Variants in TRIM9 observed in about 807,000 individuals in gnomAD.
TRIM9 encodes E3 ubiquitin-protein ligase TRIM9.
In TRIM9, 26 loss-of-function variants were observed where a neutral mutation model predicts 78.3. The observed-to-expected ratio is 0.33, with a 90% confidence interval of 0.24 to 0.46. The LOEUF (loss-of-function observed/expected upper bound fraction) is 0.46. Ranked by LOEUF, TRIM9 falls within the 20% of genes least tolerant of loss-of-function variation. The pLI, the probability that TRIM9 is intolerant of heterozygous loss-of-function variation, is 1.00. For synonymous variants in TRIM9, 398 were observed against 416.5 expected, an observed-to-expected ratio of 0.96 and a Z score of 0.54; for missense variants, 787 against 1,036.4, an observed-to-expected ratio of 0.76 and a Z score of 3.30.
chr14:51,027,132 C>CTT (rs566767264), intron 1 of TRIM9, among the ~76,000 whole-genome samples: 5 of 85,724 alleles, frequency 5.8e-5, no homozygotes, highest in Admixed American at 1.6e-4. Context: ...TGGCTGTTAA[C>CTT]TTTTTTTTTT....
chr14:50,997,666 C>T (rs2054399791), intron 7 of TRIM9: 1 of 1,102,242 alleles, frequency 9.1e-7, no homozygotes, highest in African/African-American at 1.6e-5. Context: ...AATTTAGAAT[C>T]ATCTGGGCAA....
intron 1 of TRIM9, among the ~76,000 whole-genome samples, chr14:51,048,150 C>T (rs2060099258): frequency 6.6e-6 from 1 of 152,192 alleles, no homozygotes; most frequent in Non-Finnish European, 1.5e-5. Flanking sequence ...GTTAAACCCC[C>T]AACTATCTGA....
intron 5 of TRIM9, among the ~76,000 whole-genome samples, chr14:51,003,285 A>G (rs2139557078): frequency 6.6e-6 from 1 of 152,330 alleles, no homozygotes; most frequent in South Asian, 2.1e-4. Flanking sequence ...TTGTAGAGAC[A>G]TGAATGATTC....
At chr14:51,078,823 T>C (rs2063045951) in intron 1 of TRIM9, among the ~76,000 whole-genome samples, 1 of 152,194 alleles carries the variant, frequency 6.6e-6, no homozygotes, top group African/African-American at 2.4e-5. Context: ...AGATCGAATG[T>C]ATAACATGAG....
intron 1 of TRIM9, among the ~76,000 whole-genome samples, chr14:51,071,330 T>C (rs372118611): frequency 6.0e-4 from 85 of 142,428 alleles, no homozygotes; most frequent in African/African-American, 2.1e-3. Context: ...GAGCCGAGAC[T>C]GCGCCATTGT....
At chr14:51,075,410 G>A (rs1596315851) in intron 1 of TRIM9, among the ~76,000 whole-genome samples, 1 of 152,060 alleles carries the variant, frequency 6.6e-6, no homozygotes, top group African/African-American at 2.4e-5. Context: ...TCGGTGTACT[G>A]GAATCTAGGT....
At position 51,087,338 on chromosome 14, in the gene TRIM9, AAG is replaced by A. The variant is rs545946327; in HGVS notation, c.822+6778_822+6779del. 2.4e-3 allele frequency among the ~76,000 whole-genome samples: 366 copies of A among 152,326 alleles called. 4 individuals are homozygous for A. Among genetic ancestry groups the A allele is most frequent in the African/African-American group, 8.0e-3 (331 of 41,580 alleles). On this transcript the variant is annotated intron_variant, in intron 1 of 12. Coordinates refer to ENST00000684578, the MANE Select transcript of TRIM9 (RefSeq NM_001387360.1). ...GCACTTTAGGCCTGGATAGTTTAAAAAGAAGGCAAAACCAGGGCCAAACAAAA... is the reference window on the plus strand; with the variant it reads ...GCACTTTAGGCCTGGATAGTTTAAAAAAGGCAAAACCAGGGCCAAACAAAA...
chr14:51,006,798 A>C (rs973192780), intron 5 of TRIM9, among the ~76,000 whole-genome samples: 4 of 152,102 alleles, frequency 2.6e-5, no homozygotes, highest in Non-Finnish European at 5.9e-5. Flanking sequence ...TGGCCCTGAG[A>C]ATACTTGGTA....
chr14:50,993,492 C>G (rs2053796749), intron 7 of TRIM9, among the ~76,000 whole-genome samples: 1 of 152,066 alleles, frequency 6.6e-6, no homozygotes, highest in Admixed American at 6.6e-5. Context: ...CCTCAGCCTC[C>G]CAAGTAGCTG....
At chr14:51,062,056 T>C (rs1406051386) in intron 1 of TRIM9, among the ~76,000 whole-genome samples, 1 of 152,214 alleles carries the variant, frequency 6.6e-6, no homozygotes, top group Non-Finnish European at 1.5e-5. Context: ...AGTTCACTGA[T>C]TCTTTCTGCC....
intron 7 of TRIM9, chr14:50,988,489 A>C (rs1351799967): frequency 6.6e-6 from 1 of 151,486 alleles, no homozygotes; most frequent in Non-Finnish European, 1.5e-5. Flanking sequence ...ATGTGGATCC[A>C]TTGTTTACTG....
chr14:51,016,738 G>A (rs777900073), intron 3 of TRIM9, among the ~76,000 whole-genome samples: 5 of 152,072 alleles, frequency 3.3e-5, no homozygotes, highest in Non-Finnish European at 5.9e-5. Flanking sequence ...GAAAACAACT[G>A]TCTTCCATGA....
At chr14:51,043,851 C>T (rs1014201444) in intron 1 of TRIM9, among the ~76,000 whole-genome samples, 17 of 152,044 alleles carry the variant, frequency 1.1e-4, no homozygotes, top group Non-Finnish European at 1.9e-4. Flanking sequence ...TATTTTAATG[C>T]AGTATAGAAA....
At chr14:51,022,061 T>C (rs375905066) in intron 3 of TRIM9, among the ~76,000 whole-genome samples, 1 of 152,240 alleles carries the variant, frequency 6.6e-6, no homozygotes, top group South Asian at 2.1e-4. Flanking sequence ...ACCATCCTCT[T>C]TTCCTACTTT....
chr14:50,978,011 G>C (rs2051290139), intron 12 of TRIM9, among the ~76,000 whole-genome samples: 1 of 151,950 alleles, frequency 6.6e-6, no homozygotes, highest in African/African-American at 2.4e-5. Flanking sequence ...AAAGGGAAAT[G>C]GCTAATGTGA....
In TRIM9 at chr14:50,981,859, C is replaced by T; in HGVS notation, c.2103G>A (p.Trp701Ter). ...DVMLGKDDKA[W>*]AMYVDNNRSW... The stretch of plus-strand genomic sequence containing the variant: ...TCCGGTTATTGTCCACATACATTGC[C>T]CAAGCTTTGTCGTCTTTTCCTAACA... Residue 701 changes from tryptophan to a stop codon, truncating the protein, a stop_gained, in exon 11 of 13, where the codon TGG (tryptophan) becomes TGA (stop). Coordinates refer to ENST00000684578, the MANE Select transcript of TRIM9 (RefSeq NM_001387360.1). LOFTEE classifies it high-confidence loss of function. 3 of 1,614,156 alleles carry T rather than the reference C, an allele frequency of 1.9e-6. No individual in the cohort carries two copies. The highest frequency in any genetic ancestry group is 2.5e-6 in the Non-Finnish European group (3 of 1,180,040).
At position 51,032,503 on chromosome 14, in the gene TRIM9, G is replaced by A. The variant is rs2058817092; in HGVS notation, c.823-7143C>T. 2.6e-5 allele frequency among the ~76,000 whole-genome samples: 4 copies of A among 152,186 alleles called. No individual in the cohort carries two copies. The South Asian group carries it at 8.3e-4, about 32-fold the overall frequency. On this transcript the variant is annotated intron_variant, in intron 1 of 12. Coordinates refer to ENST00000684578, the MANE Select transcript of TRIM9 (RefSeq NM_001387360.1). The stretch of plus-strand genomic sequence containing the variant: ...TGTCCCATGGCAAGTGAATGGCTGG[G>A]GCCCCCTTGCTTCAATTTTGGACAA...
rs369905418 is a variant in TRIM9, at chr14:51,032,136, T to G, written c.823-6776A>C. Among the ~76,000 whole-genome samples the G allele has an allele frequency of 8.2e-4, 125 of 152,326 alleles. 1 individual carries two copies. In the South Asian group the frequency reaches 0.022, roughly 27 times the overall value. Reference sequence around the variant, plus strand: ...AGTCTAAACATGCTGTTTCATTCTTTGAACCACAAAAAAATGTATCAGACA... The same window carrying G: ...AGTCTAAACATGCTGTTTCATTCTTGGAACCACAAAAAAATGTATCAGACA... On this transcript the variant is annotated intron_variant, in intron 1 of 12. Coordinates refer to ENST00000684578, the MANE Select transcript of TRIM9 (RefSeq NM_001387360.1).
At chr14:50,988,081 C>T (rs920652983) in intron 7 of TRIM9, among the ~76,000 whole-genome samples, 1 of 152,130 alleles carries the variant, frequency 6.6e-6, no homozygotes, top group Non-Finnish European at 1.5e-5. Context: ...AGATTACAGG[C>T]GTGAGCTACC....
Sources: allele counts gnomAD v4.1 joint callset (sites outside exome capture counted in the v4.1 genomes callset), GRCh38; gene constraint gnomAD v4.1.1; transcripts MANE v1.5; gene names NCBI Gene and HGNC (gene_info 2026-07-23, HGNC 2026-07-21).